Variants in JAKMIP3 observed in about 807,000 individuals in gnomAD.
The protein encoded by JAKMIP3 is janus kinase and microtubule-interacting protein 3.
In JAKMIP3, 58 loss-of-function variants were observed where a neutral mutation model predicts 118.5. The ratio of observed to expected loss-of-function variants is 0.49; its 90% CI spans 0.40 to 0.61. The LOEUF is 0.61. JAKMIP3 is among the 20% of genes least tolerant of loss of function. The pLI, the probability that JAKMIP3 is intolerant of heterozygous loss-of-function variation, is 0.00. For synonymous variants in JAKMIP3, 486 were observed against 451.2 expected, an observed-to-expected ratio of 1.08 and a Z score of -0.98; for missense variants, 950 against 1,109.0, an observed-to-expected ratio of 0.86 and a Z score of 2.04.
chr10:132,152,663 G>A (rs574166244), intron 16 of JAKMIP3, among the ~76,000 whole-genome samples: 2 of 152,336 alleles, frequency 1.3e-5, no homozygotes, highest in South Asian at 2.1e-4. Flanking sequence ...TTGGTGGCCT[G>A]CCTGCATTGA....
chr10:132,046,435 G>T (rs1378672038), intron 1 of JAKMIP3, among the ~76,000 whole-genome samples: 1 of 148,622 alleles, frequency 6.7e-6, no homozygotes, highest in East Asian at 2.1e-4. Flanking sequence ...CAGCCTGGGT[G>T]ACAGAGCAAG....
intron 23 of JAKMIP3, among the ~76,000 whole-genome samples, chr10:132,173,032 CCT>C (rs1437847840): frequency 6.0e-5 from 1 of 16,794 alleles, no homozygotes; most frequent in Non-Finnish European, 1.1e-4. Context: ...TCTCTCCTTC[CCT>C]CTCTCTCTCC....
chr10:132,134,620 C>T (rs906419188), intron 4 of JAKMIP3, among the ~76,000 whole-genome samples: 19 of 152,292 alleles, frequency 1.2e-4, no homozygotes, highest in Admixed American at 1.0e-3. Flanking sequence ...GGGCAGGGGG[C>T]GCGCACCCTC....
At chr10:132,139,464 GTGTGTA>G (rs1431445499) in intron 9 of JAKMIP3, among the ~76,000 whole-genome samples, 1 of 123,232 alleles carries the variant, frequency 8.1e-6, no homozygotes, top group Non-Finnish European at 1.6e-5. Flanking sequence ...GTGTCTGCAT[GTGTGTA>G]TGTGTGAGTG....
At position 132,112,786 on chromosome 10, in the gene JAKMIP3, C is replaced by T. The variant is rs760861575; in HGVS notation, c.136-4291C>T. ...CAGCTCTCCACCTCCCCTTGGACACCGGCTCACATGGTGGACGCATCTGAC... is the reference window on the plus strand; with the variant it reads ...CAGCTCTCCACCTCCCCTTGGACACTGGCTCACATGGTGGACGCATCTGAC... On this transcript the variant is annotated intron_variant, in intron 2 of 23. Transcript: ENST00000684848. This position sits in a 1 kb window ranked among gnomAD's most constrained non-coding sequence, Gnocchi z 4.3. 3.3e-5 allele frequency among the ~76,000 whole-genome samples: 5 copies of T among 152,098 alleles called. No homozygotes were observed. Among genetic ancestry groups the T allele is most frequent in the Non-Finnish European group, 5.9e-5 (4 of 68,020 alleles).
At chr10:132,101,148 G>C (rs924262258) in intron 1 of JAKMIP3, among the ~76,000 whole-genome samples, 2 of 152,182 alleles carry the variant, frequency 1.3e-5, no homozygotes, top group Middle Eastern at 3.2e-3. Flanking sequence ...GGCCTGGGAC[G>C]GGAGGAGGGA....
intron 1 of JAKMIP3, among the ~76,000 whole-genome samples, chr10:132,098,502 G>A (rs78086323): frequency 0.035 from 5,375 of 152,320 alleles, 154 homozygotes; most frequent in South Asian, 0.13. Flanking sequence ...GGCACTTCCT[G>A]AGGGCTGTGT....
chr10:132,046,119 C>T (rs1278307695), intron 1 of JAKMIP3, among the ~76,000 whole-genome samples: 2 of 152,076 alleles, frequency 1.3e-5, no homozygotes, highest in Non-Finnish European at 2.9e-5. Context: ...TCCACGCTCC[C>T]ACCACAGATG....
intron 9 of JAKMIP3, among the ~76,000 whole-genome samples, chr10:132,139,049 A>AGAGTGTGTGT (rs71228743): frequency 0.14 from 20,818 of 149,984 alleles, 1,624 homozygotes; most frequent in East Asian, 0.19. Context: ...CTTTATGTTG[A>AGAGTGTGTGT]GTGTGTGTGT....
Position 132,183,897 on chromosome 10 carries a change from C to T in JAKMIP3, c.*2644C>T, listed in dbSNP as rs1028446375. ...AAAAATAAGGTGCATTTCTAAATTG[C>T]AGGCTATACCTTCTTTTCCAAACCA... On this transcript the variant is annotated 3_prime_UTR_variant, in exon 24 of 24. Coordinates refer to ENST00000684848, the MANE Select transcript of JAKMIP3 (RefSeq NM_001323087.2). The T allele has an allele frequency of 1.3e-5, 2 of 152,158 alleles. No individual in the cohort carries two copies. Among genetic ancestry groups the T allele is most frequent in the African/African-American group, 4.8e-5 (2 of 41,426 alleles). The allele number at this position is 152,158 out of a possible 1,614,324, so 9.4% of individuals were successfully genotyped here. A position where few individuals can be genotyped will look rare whatever the true frequency, so the allele number is the denominator to read the frequency against.
At position 132,118,847 on chromosome 10, in the gene JAKMIP3, C is replaced by T. The variant is rs369454761; in HGVS notation, c.633+1273C>T. Among the ~76,000 whole-genome samples, 12 of 152,322 alleles carry T rather than the reference C, an allele frequency of 7.9e-5. No homozygotes were observed. Among genetic ancestry groups the T allele is most frequent in the East Asian group, 3.9e-4 (2 of 5,186 alleles). ...AACCGGGTGCTTTCTTCGCGTGACA[C>T]GATGCTTGCTTTTCTGTGCGGGGAA... is the stretch of plus-strand genomic sequence containing the variant. On this transcript the variant is annotated intron_variant, in intron 3 of 23. Coordinates refer to ENST00000684848, the MANE Select transcript of JAKMIP3 (RefSeq NM_001323087.2). This position sits in a 1 kb window ranked among gnomAD's most constrained non-coding sequence, Gnocchi z 4.8.
intron 1 of JAKMIP3, among the ~76,000 whole-genome samples, chr10:132,047,831 CGCCA>C: frequency 6.6e-6 from 1 of 150,796 alleles, no homozygotes; most frequent in Non-Finnish European, 1.5e-5. Flanking sequence ...CCCCCCACCC[CGCCA>C]CGAGCTTTCA....
At chr10:132,136,639 G>GC (rs2051850742) in intron 6 of JAKMIP3, among the ~76,000 whole-genome samples, 1 of 152,238 alleles carries the variant, frequency 6.6e-6, no homozygotes, top group African/African-American at 2.4e-5. Context: ...CTCTATGGAA[G>GC]CCCCCTTCTT....
chr10:132,160,213 T>TGGGCCTCTCCCTGTGTGATGCTGGGG (rs2057948042), intron 19 of JAKMIP3, among the ~76,000 whole-genome samples: 1 of 4,952 alleles, frequency 2.0e-4, no homozygotes, highest in Non-Finnish European at 3.3e-4. Flanking sequence ...TGATGCTGGG[T>TGGGCCTCTCCCTGTGTGATGCTGGGG]GGGCCTCTCC....
chr10:132,150,737 C>T (rs1033537786), intron 16 of JAKMIP3, among the ~76,000 whole-genome samples: 3 of 151,860 alleles, frequency 2.0e-5, no homozygotes, highest in African/African-American at 7.3e-5. Context: ...TCTATCCGTC[C>T]TCCATAATCC....
At position 132,184,545 on chromosome 10, in the gene JAKMIP3, C is replaced by T. The variant is rs1017695507; in HGVS notation, c.*3292C>T. ...TAAAAAGCTTTATTGTAAATTTATG[C>T]AAAAACTAACCGGGCCTGTTTTCTT... On this transcript the variant is annotated 3_prime_UTR_variant, in exon 24 of 24. Coordinates refer to ENST00000684848, the MANE Select transcript of JAKMIP3 (RefSeq NM_001323087.2). The T allele has an allele frequency of 2.0e-5, 3 of 152,140 alleles. No homozygotes were observed. The highest frequency in any genetic ancestry group is 7.2e-5 in the African/African-American group (3 of 41,422). The allele number at this position is 152,140 out of a possible 1,614,324, so 9.4% of individuals were successfully genotyped here. A position where few individuals can be genotyped will look rare whatever the true frequency, so the allele number is the denominator to read the frequency against.
intron 1 of JAKMIP3, among the ~76,000 whole-genome samples, chr10:132,039,986 G>A (rs895849617): frequency 2.6e-5 from 4 of 152,230 alleles, no homozygotes; most frequent in South Asian, 4.1e-4. Context: ...CAGAAGGCTG[G>A]GATGAAGACA....
At chr10:132,172,996 CT>C (rs2059676811) in intron 23 of JAKMIP3, among the ~76,000 whole-genome samples, 7 of 55,092 alleles carry the variant, frequency 1.3e-4, no homozygotes, top group African/African-American at 4.2e-4. Flanking sequence ...TCTCTCTCTC[CT>C]TCCCTCTCTC....
chr10:132,174,552 G>A (rs2059975889), intron 23 of JAKMIP3, among the ~76,000 whole-genome samples: 1 of 152,108 alleles, frequency 6.6e-6, no homozygotes, highest in African/African-American at 2.4e-5. Context: ...TCCGGTTTGG[G>A]GCAAATGTGA....
Sources: gnomAD v4.1 joint callset for allele counts (sites outside exome capture counted in the v4.1 genomes callset) on GRCh38, gnomAD v4.1.1 for gene constraint, Gnocchi (gnomAD v3.1) non-coding constraint, MANE v1.5 for transcripts, NCBI Gene and HGNC (gene_info 2026-07-23, HGNC 2026-07-21) for gene names.